PARN: variants seen among roughly 807,000 people sequenced by gnomAD.
PARN encodes poly(A)-specific ribonuclease.
A neutral mutation model predicts 102.8 loss-of-function variants in PARN; 71 were observed. The ratio of observed to expected loss-of-function variants is 0.69; its 90% confidence interval spans 0.57 to 0.84. The LOEUF is 0.84. Among genes scored for constraint, PARN ranks in the 40% least tolerant of loss-of-function variants. PARN has a pLI of 0.00. For synonymous variants in PARN, 261 were observed against 252.9 expected (o/e 1.03, Z -0.30); for missense variants, 782 against 760.9 (o/e 1.03, Z -0.33).
chr16:14,526,618 G>C (rs1290874810), intron 21 of PARN, among the ~76,000 whole-genome samples: 1 of 152,088 alleles, frequency 6.6e-6, no homozygotes, highest in Admixed American at 6.5e-5. Context: ...ATCACACAAA[G>C]GAAAAGTCAA....
At chr16:14,570,271 G>A (rs1968708345) in intron 18 of PARN, among the ~76,000 whole-genome samples, 1 of 137,858 alleles carries the variant, frequency 7.3e-6, no homozygotes. Flanking sequence ...TCTGGGAGGT[G>A]GTATCACACC....
intron 6 of PARN, 104 bp from the exon 7 acceptor site, chr16:14,610,913 AT>A: frequency 1.4e-6 from 1 of 706,550 alleles, no homozygotes; most frequent in East Asian, 2.5e-5. Context: ...GATTTACCAT[AT>A]TTAACTACAT....
chr16:14,615,793 C>G (rs1334463113), intron 6 of PARN, among the ~76,000 whole-genome samples: 1 of 151,502 alleles, frequency 6.6e-6, no homozygotes, highest in African/African-American at 2.4e-5. Context: ...CTCAGCTACT[C>G]GGGAGGCTGA....
intron 21 of PARN, among the ~76,000 whole-genome samples, chr16:14,496,875 T>A (rs770348773): frequency 6.6e-6 from 1 of 152,212 alleles, no homozygotes; most frequent in Non-Finnish European, 1.5e-5. Flanking sequence ...CATTAATCTA[T>A]TTTCTTCCAT....
chr16:14,475,535 G>A (rs539664856), intron 22 of PARN, among the ~76,000 whole-genome samples: 1 of 152,194 alleles, frequency 6.6e-6, no homozygotes, highest in African/African-American at 2.4e-5. Flanking sequence ...TGAATATTCT[G>A]GACACTGAAT....
At chr16:14,496,546 A>G (rs1460507373) in intron 21 of PARN, among the ~76,000 whole-genome samples, 2 of 152,228 alleles carry the variant, frequency 1.3e-5, no homozygotes, top group South Asian at 2.1e-4. Flanking sequence ...GAAAGACCTA[A>G]GCAATTTACA....
chr16:14,545,208 G>T (rs919298698), intron 21 of PARN, among the ~76,000 whole-genome samples: 1 of 152,096 alleles, frequency 6.6e-6, no homozygotes, highest in African/African-American at 2.4e-5. Context: ...AAGGATGCAG[G>T]ATATATGAAT....
intron 21 of PARN, among the ~76,000 whole-genome samples, chr16:14,489,867 C>A (rs777044148): frequency 6.6e-6 from 1 of 152,188 alleles, no homozygotes; most frequent in Non-Finnish European, 1.5e-5. Context: ...TCGTATTAAC[C>A]CAATGGTTAC....
At chr16:14,530,768 G>C (rs1028681136) in intron 21 of PARN, among the ~76,000 whole-genome samples, 1 of 152,010 alleles carries the variant, frequency 6.6e-6, no homozygotes, top group Non-Finnish European at 1.5e-5. Context: ...CCCTTCCCAA[G>C]GACTGTACCA....
intron 21 of PARN, among the ~76,000 whole-genome samples, chr16:14,505,881 C>A (rs1272142844): frequency 6.6e-6 from 1 of 152,094 alleles, no homozygotes; most frequent in Non-Finnish European, 1.5e-5. Context: ...TTAAAAAAAT[C>A]ATCAATGGAC....
chr16:14,612,241 A>G (rs565577181), intron 6 of PARN, among the ~76,000 whole-genome samples: 1 of 152,198 alleles, frequency 6.6e-6, no homozygotes, highest in Non-Finnish European at 1.5e-5. Flanking sequence ...GATGGAGACC[A>G]GCCTGGCCAA....
intron 21 of PARN, among the ~76,000 whole-genome samples, chr16:14,511,347 G>A (rs746544882): frequency 5.9e-5 from 9 of 151,988 alleles, no homozygotes; most frequent in Non-Finnish European, 1.5e-5. Context: ...GAATGCCACT[G>A]TTTGTTCACA....
intron 21 of PARN, among the ~76,000 whole-genome samples, chr16:14,495,742 G>A (rs1956860250): frequency 6.6e-6 from 1 of 152,168 alleles, no homozygotes; most frequent in African/African-American, 2.4e-5. Context: ...CCCATGGGTG[G>A]GCATGGATAA....
intron 18 of PARN, among the ~76,000 whole-genome samples, chr16:14,562,136 A>G (rs1968105274): frequency 6.6e-6 from 1 of 152,176 alleles, no homozygotes; most frequent in Admixed American, 6.5e-5. Context: ...ACTCCATCGC[A>G]AAAAAAGAAA....
chr16:14,468,878 AATAG>A (rs59011829), intron 22 of PARN, among the ~76,000 whole-genome samples: 4,583 of 139,654 alleles, frequency 0.033, 101 homozygotes, highest in Admixed American at 0.051. Context: ...CCCATTACTA[AATAG>A]ATAGATAGAT....
At chr16:14,584,290 A>G (rs1969706381) in intron 16 of PARN, 57 bp downstream of exon 16, 3 of 1,247,298 alleles carry the variant, frequency 2.4e-6, no homozygotes, top group Non-Finnish European at 3.5e-6. Context: ...TTCTTCTACA[A>G]TATACATCAA....
At chr16:14,603,447 C>A (rs536787145) in intron 11 of PARN, among the ~76,000 whole-genome samples, 1 of 152,188 alleles carries the variant, frequency 6.6e-6, no homozygotes, top group African/African-American at 2.4e-5. Context: ...CCTTTTCCCC[C>A]AACCGATGTC....
chr16:14,624,598 A>T (rs994858703), intron 5 of PARN, among the ~76,000 whole-genome samples: 1 of 152,238 alleles, frequency 6.6e-6, no homozygotes, highest in Non-Finnish European at 1.5e-5. Context: ...TTCTCAAAAT[A>T]ACCAGTTTTG....
intron 22 of PARN, among the ~76,000 whole-genome samples, chr16:14,473,526 G>C (rs547472860): frequency 8.5e-5 from 13 of 152,256 alleles, no homozygotes; most frequent in African/African-American, 2.4e-4. Context: ...TGTAAATTCT[G>C]CTCCTTAGCT....
Sources: gnomAD v4.1 joint callset for allele counts (sites outside exome capture counted in the v4.1 genomes callset) on GRCh38, gnomAD v4.1.1 for gene constraint, MANE v1.5 for transcripts, NCBI Gene and HGNC (gene_info 2026-07-23, HGNC 2026-07-21) for gene names.